Variants in DST observed in about 807,000 individuals in gnomAD.
DST encodes bullous pemphigoid antigen.
DST carries 253 observed loss-of-function variants against 875.2 expected under a neutral mutation model. That is an observed-to-expected ratio of 0.29 (90% CI 0.26 to 0.32). The LOEUF is 0.32. Ranked by LOEUF, DST falls within the 10% of genes least tolerant of loss-of-function variation. The pLI is 1.00. For synonymous variants in DST, 3,124 were observed against 3,197.1 expected, an observed-to-expected ratio of 0.98 and a Z score of 0.77; for missense variants, 8,287 against 9,111.6, an observed-to-expected ratio of 0.91 and a Z score of 3.68.
At chr6:56,886,740 C>T (rs1784839200) in intron 3 of DST, among the ~76,000 whole-genome samples, 2 of 145,362 alleles carry the variant, frequency 1.4e-5, no homozygotes, top group African/African-American at 5.1e-5. Context: ...CGTGCCATTG[C>T]ACTCCAGCCT....
At chr6:56,486,101 C>T (rs181722816) in intron 87 of DST, among the ~76,000 whole-genome samples, 845 of 152,230 alleles carry the variant, frequency 5.6e-3, no homozygotes, top group Middle Eastern at 0.014. Flanking sequence ...CAGTGGCTCA[C>T]GCCTGTAATC....
At chr6:56,830,046 A>G (rs1361104315) in intron 4 of DST, among the ~76,000 whole-genome samples, 1 of 152,178 alleles carries the variant, frequency 6.6e-6, no homozygotes, top group Non-Finnish European at 1.5e-5. Flanking sequence ...GCACTATCTT[A>G]TAAATATTTA....
chr6:56,744,542 A>G (rs1334505330), intron 4 of DST, among the ~76,000 whole-genome samples: 1 of 152,226 alleles, frequency 6.6e-6, no homozygotes, highest in Non-Finnish European at 1.5e-5. Context: ...TTGGTATTAT[A>G]GACGAAAGAA....
intron 61 of DST, among the ~76,000 whole-genome samples, chr6:56,544,151 T>A (rs1476568146): frequency 1.3e-5 from 2 of 152,204 alleles, no homozygotes; most frequent in Non-Finnish European, 2.9e-5. Context: ...AATGGTCTCA[T>A]ACTTACCACG....
chr6:56,906,669 T>C (rs530837970), intron 2 of DST, among the ~76,000 whole-genome samples: 1 of 152,178 alleles, frequency 6.6e-6, no homozygotes, highest in Non-Finnish European at 1.5e-5. Flanking sequence ...ATCCACTGCC[T>C]GCCAGCCTTT....
chr6:56,719,259 A>G (rs2099405927), intron 5 of DST, among the ~76,000 whole-genome samples: 1 of 152,222 alleles, frequency 6.6e-6, no homozygotes, highest in Non-Finnish European at 1.5e-5. Flanking sequence ...AGGGATGTGT[A>G]ATTTGTATTT....
At chr6:56,812,018 C>G (rs2099760541) in intron 4 of DST, among the ~76,000 whole-genome samples, 1 of 150,648 alleles carries the variant, frequency 6.6e-6, no homozygotes, top group Non-Finnish European at 1.5e-5. Flanking sequence ...ATGAGAACTG[C>G]TTGAACCCAG....
At chr6:56,811,356 C>T (rs2099759751) in intron 4 of DST, among the ~76,000 whole-genome samples, 1 of 152,058 alleles carries the variant, frequency 6.6e-6, no homozygotes, top group Non-Finnish European at 1.5e-5. Context: ...GGTCCTCTCC[C>T]CCTGCTACCA....
At chr6:56,824,088 C>T (rs888164459) in intron 4 of DST, among the ~76,000 whole-genome samples, 10 of 152,156 alleles carry the variant, frequency 6.6e-5, no homozygotes, top group African/African-American at 2.4e-4. Context: ...GCTGCCATCT[C>T]GGCTCACTGC....
Position 56,472,152 on chromosome 6 carries a change from C to T in DST, c.22065G>A (p.Arg7355=), listed in dbSNP as rs1451728180. 1.9e-6 allele frequency: 3 copies of T among 1,613,846 alleles called. No individual in the cohort carries two copies. In the South Asian group the frequency reaches 3.3e-5, roughly 18 times the overall value. Residue 7355 remains arginine (R), a synonymous_variant, in exon 94 of 104, where the codon AGG becomes AGA. Coordinates refer to ENST00000680361, the MANE Select transcript of DST (RefSeq NM_001374736.1). ...SQTQIETKNP[R]VNLLVSKWQQ... ...GCCATTTGCTCACCAGTAAGTTTAC[C>T]CTAGGATTTTTGGTTTCAATTTGTG...
In DST at chr6:56,635,629, C is replaced by T. The variant is rs963935507; in HGVS notation, c.3146G>A (p.Ser1049Asn). 4.3e-6 allele frequency: 7 copies of T among 1,613,844 alleles called. No homozygotes were observed. The African/African-American group carries it at 9.3e-5, about 22-fold the overall frequency. Residue 1049 changes from serine (S) to asparagine (N), a missense_variant, in exon 24 of 104, where the codon AGC (serine) becomes AAC (asparagine). Physicochemically the swap from Ser to Asn is conservative, Grantham distance 46 (BLOSUM62 1). Transcript: ENST00000680361. ...IQRKYSCDRS[S>N]SIHKLEDLVQ... is the part of the protein sequence containing the mutation. ...AAGGTCTTCTAGCTTGTGAATGCTG[C>T]TTGATCTATCACAGCTGTACTTCCG...
At chr6:56,617,230 T>C in intron 36 of DST, 1 of 1,606,710 alleles carries the variant, frequency 6.2e-7, no homozygotes, top group African/African-American at 1.3e-5. Flanking sequence ...TGACTGAACA[T>C]GCATGATCAC....
At chr6:56,701,326 T>C (rs769157093) in intron 8 of DST, among the ~76,000 whole-genome samples, 2 of 152,162 alleles carry the variant, frequency 1.3e-5, no homozygotes, top group Non-Finnish European at 2.9e-5. Context: ...TTTTCCATGA[T>C]TTCTCCTGAT....
In DST at chr6:56,572,979, G is replaced by T; in HGVS notation, c.13322C>A (p.Pro4441Gln). 1.9e-6 allele frequency: 3 copies of T among 1,610,252 alleles called. No individual in the cohort carries two copies. The highest frequency in any genetic ancestry group is 2.5e-6 in the Non-Finnish European group (3 of 1,178,318). Residue 4441 changes from proline (P) to glutamine (Q), a missense_variant, in exon 52 of 104, where the codon CCA (proline) becomes CAA (glutamine). Pro to Gln is a moderately conservative substitution (Grantham distance 76). Coordinates refer to ENST00000680361, the MANE Select transcript of DST (RefSeq NM_001374736.1). ...GGCTTGCAGTGAGGATGCAGTGGAT[G>T]GATCTGTTGTTTCCATAAATTTCTT... ...KVKKFMETTD[P>Q]STASSLQAKM...
intron 4 of DST, among the ~76,000 whole-genome samples, chr6:56,770,829 C>A (rs147744998): frequency 6.6e-6 from 1 of 151,884 alleles, no homozygotes. Flanking sequence ...GGAGAAACCC[C>A]GTCTCTACTA....
At chr6:56,654,235 G>A (rs1182822458) in intron 10 of DST, among the ~76,000 whole-genome samples, 1 of 151,970 alleles carries the variant, frequency 6.6e-6, no homozygotes, top group Non-Finnish European at 1.5e-5. Flanking sequence ...TAATGTTAAT[G>A]TTTCAAAATG....
At chr6:56,576,855 G>A (rs1361712619) in intron 50 of DST, among the ~76,000 whole-genome samples, 1 of 152,076 alleles carries the variant, frequency 6.6e-6, no homozygotes, top group Non-Finnish European at 1.5e-5. Context: ...CCTGTTCTCT[G>A]ATTTCCAGCC....
chr6:56,828,610 G>A (rs952693143), intron 4 of DST, among the ~76,000 whole-genome samples: 2 of 152,216 alleles, frequency 1.3e-5, no homozygotes, highest in African/African-American at 4.8e-5. Flanking sequence ...AAAGGAGACT[G>A]AGCAATGTGA....
chr6:56,473,710 G>A (rs549850054), intron 93 of DST, among the ~76,000 whole-genome samples, 163 bp downstream of exon 93: 1 of 152,144 alleles, frequency 6.6e-6, no homozygotes, highest in African/African-American at 2.4e-5. Context: ...TTTTAAATAA[G>A]TTTCTACAAT....
Sources: gnomAD v4.1 joint callset for allele counts (sites outside exome capture counted in the v4.1 genomes callset) on GRCh38, gnomAD v4.1.1 for gene constraint, MANE v1.5 for transcripts, NCBI Gene and HGNC (gene_info 2026-07-23, HGNC 2026-07-21) for gene names.